DENND1B: variants seen among roughly 807,000 people sequenced by gnomAD.
The protein encoded by DENND1B is DENN domain-containing protein 1B.
In DENND1B, 59 loss-of-function variants were observed where a neutral mutation model predicts 90.1. The observed-to-expected ratio is 0.65, with a 90% CI of 0.53 to 0.81. The LOEUF is 0.81. Among genes scored for constraint, DENND1B ranks in the 40% least tolerant of loss-of-function variants. The pLI is 0.00. For missense variants in DENND1B, 862 were observed against 912.6 expected (o/e 0.94, Z 0.71); for synonymous variants, 337 against 324.6 (o/e 1.04, Z -0.41).
intron 3 of DENND1B, among the ~76,000 whole-genome samples, chr1:197,675,914 C>G (rs1307458981): frequency 1.3e-5 from 2 of 151,804 alleles, no homozygotes; most frequent in African/African-American, 4.8e-5. Flanking sequence ...CACACCCTCC[C>G]CCTCCCTTCT....
chr1:197,553,160 C>T (rs1478455765), intron 15 of DENND1B, 48 bp from the exon 16 acceptor site: 2 of 1,396,758 alleles, frequency 1.4e-6, no homozygotes, highest in Non-Finnish European at 1.9e-6. Context: ...AAATGTTATC[C>T]AATAAAATGT....
At chr1:197,688,092 C>G (rs1460113899) in intron 3 of DENND1B, among the ~76,000 whole-genome samples, 2 of 151,936 alleles carry the variant, frequency 1.3e-5, no homozygotes, top group African/African-American at 4.8e-5. Context: ...GAATAAAATA[C>G]TTAGGAATAA....
intron 20 of DENND1B, among the ~76,000 whole-genome samples, chr1:197,538,156 T>A (rs1315341608): frequency 6.6e-6 from 1 of 152,064 alleles, no homozygotes; most frequent in Admixed American, 6.6e-5. Context: ...ATCCTATAGG[T>A]AACAAAGATC....
chr1:197,547,936 C>A (rs1047742029), intron 16 of DENND1B, among the ~76,000 whole-genome samples: 6 of 152,098 alleles, frequency 3.9e-5, no homozygotes, highest in African/African-American at 7.2e-5. Context: ...CTAAAAATGG[C>A]TGAGTGGAAA....
At chr1:197,599,770 T>C (rs1676037064) in intron 13 of DENND1B, among the ~76,000 whole-genome samples, 1 of 151,902 alleles carries the variant, frequency 6.6e-6, no homozygotes, top group African/African-American at 2.4e-5. Context: ...ATGAAAAGCA[T>C]ATGATATACT....
chr1:197,573,749 C>T (rs1673389271), intron 15 of DENND1B, among the ~76,000 whole-genome samples: 1 of 152,246 alleles, frequency 6.6e-6, no homozygotes, highest in East Asian at 1.9e-4. Flanking sequence ...AAAGCTTATC[C>T]ACCACTATCA....
At chr1:197,698,748 A>G (rs1386392720) in intron 3 of DENND1B, among the ~76,000 whole-genome samples, 1 of 152,202 alleles carries the variant, frequency 6.6e-6, no homozygotes, top group East Asian at 1.9e-4. Flanking sequence ...GATCCCACAG[A>G]AATACAAACT....
At chr1:197,599,434 T>C (rs373754849) in intron 13 of DENND1B, among the ~76,000 whole-genome samples, 1 of 151,740 alleles carries the variant, frequency 6.6e-6, no homozygotes, top group East Asian at 1.9e-4. Flanking sequence ...AAATAATATT[T>C]AGATAATCTA....
intron 3 of DENND1B, chr1:197,685,854 T>C (rs1035237982): frequency 2.6e-5 from 4 of 152,124 alleles, no homozygotes; most frequent in Non-Finnish European, 4.4e-5. Flanking sequence ...ACCTTATCCA[T>C]TATAGAAGAC....
At chr1:197,707,669 ATAT>A (rs1228112893) in intron 3 of DENND1B, among the ~76,000 whole-genome samples, 3 of 145,104 alleles carry the variant, frequency 2.1e-5, no homozygotes, top group African/African-American at 5.1e-5. Context: ...TACATATATA[ATAT>A]AATAATATAA....
At chr1:197,619,415 T>C (rs1031106485) in intron 10 of DENND1B, among the ~76,000 whole-genome samples, 2 of 151,118 alleles carry the variant, frequency 1.3e-5, no homozygotes, top group East Asian at 2.0e-4. Flanking sequence ...CACCCCCTTT[T>C]TAACCTGATG....
At chr1:197,733,743 G>A (rs898668787) in intron 2 of DENND1B, among the ~76,000 whole-genome samples, 4 of 152,138 alleles carry the variant, frequency 2.6e-5, no homozygotes, top group African/African-American at 9.7e-5. Flanking sequence ...AATTAACTAA[G>A]GTATCCTGTT....
intron 2 of DENND1B, among the ~76,000 whole-genome samples, chr1:197,753,796 T>G (rs1012369079): frequency 6.6e-6 from 1 of 151,786 alleles, no homozygotes; most frequent in Admixed American, 6.5e-5. Flanking sequence ...AAGTCAGGAG[T>G]TCGAGACCAG....
At chr1:197,539,420 GA>G (rs200648287) in intron 20 of DENND1B, among the ~76,000 whole-genome samples, 12 of 149,862 alleles carry the variant, frequency 8.0e-5, no homozygotes, top group Non-Finnish European at 1.5e-4. Flanking sequence ...ATGTACTTAT[GA>G]AAAAAAAACC....
intron 3 of DENND1B, among the ~76,000 whole-genome samples, chr1:197,699,642 T>C (rs1245906037): frequency 6.6e-6 from 1 of 152,178 alleles, no homozygotes; most frequent in Non-Finnish European, 1.5e-5. Context: ...ACAGACAACA[T>C]GATTTTATAT....
intron 10 of DENND1B, among the ~76,000 whole-genome samples, chr1:197,627,859 A>C (rs1013000475): frequency 5.9e-5 from 9 of 152,158 alleles, no homozygotes; most frequent in Non-Finnish European, 1.2e-4. Context: ...ATGTACAAAA[A>C]TCACAAGCAT....
chr1:197,582,171 T>A (rs1056561465), intron 15 of DENND1B, among the ~76,000 whole-genome samples: 1 of 152,180 alleles, frequency 6.6e-6, no homozygotes, highest in Non-Finnish European at 1.5e-5. Context: ...AAGACAGGTA[T>A]CTCCCCATGC....
chr1:197,620,794 C>T (rs1458524910), intron 10 of DENND1B, among the ~76,000 whole-genome samples: 1 of 151,248 alleles, frequency 6.6e-6, no homozygotes, highest in African/African-American at 2.4e-5. Flanking sequence ...ACAAAGTCCC[C>T]GTTTCTATGG....
chr1:197,543,071 A>G (rs1670460212), intron 18 of DENND1B, among the ~76,000 whole-genome samples: 1 of 151,978 alleles, frequency 6.6e-6, no homozygotes, highest in Non-Finnish European at 1.5e-5. Context: ...AGTAGCTGGG[A>G]CCATAGGAGC....
Sources: gnomAD v4.1 joint callset for allele counts (sites outside exome capture counted in the v4.1 genomes callset) on GRCh38, gnomAD v4.1.1 for gene constraint, MANE v1.5 for transcripts, NCBI Gene and HGNC (gene_info 2026-07-23, HGNC 2026-07-21) for gene names.